The following FHOD3 variants were observed in gnomAD, a reference collection of about 807,000 sequenced individuals.
FHOD3 encodes FH1/FH2 domain-containing protein 3.
FHOD3 carries 90 observed loss-of-function variants against 173.0 expected under a neutral mutation model. The observed-to-expected ratio is 0.52, with a 90% confidence interval of 0.44 to 0.62. FHOD3 has a LOEUF of 0.62. Ranked by LOEUF, FHOD3 falls within the 20% of genes least tolerant of loss-of-function variation. The pLI is 0.00. For synonymous variants in FHOD3, 828 were observed against 823.0 expected (o/e 1.01, Z -0.10); for missense variants, 1,945 against 2,034.7 (o/e 0.96, Z 0.85).
At position 36,655,489 on chromosome 18, in the gene FHOD3, GA is replaced by G. The variant is rs997918429; in HGVS notation, c.1721+2082del. Among the ~76,000 whole-genome samples, 26 of 150,994 alleles carry G rather than the reference GA, an allele frequency of 1.7e-4. No individual in the cohort carries two copies. In the East Asian group the frequency reaches 2.3e-3, roughly 14 times the overall value. On this transcript the variant is annotated intron_variant, in intron 13 of 28. Transcript: ENST00000590592. Reference sequence around the variant, plus strand: ...TTGAAGATACACGTAAGTTGTGGGGGAAAAAAAAAGCTGCTTGCTTGTGAAT... The same window carrying G: ...TTGAAGATACACGTAAGTTGTGGGGGAAAAAAAAGCTGCTTGCTTGTGAAT...
chr18:36,591,988 G>A (rs185643673), intron 6 of FHOD3, among the ~76,000 whole-genome samples: 47 of 152,346 alleles, frequency 3.1e-4, no homozygotes, highest in African/African-American at 1.1e-3. Flanking sequence ...AGAGGCCGAG[G>A]CAGGCAGATC....
chr18:36,657,972 T>C, intron 13 of FHOD3, 103 bp from the exon 14 acceptor site: 1 of 806,956 alleles, frequency 1.2e-6, no homozygotes, highest in East Asian at 2.8e-5. Context: ...TTTCCAGACC[T>C]GTTTCTCTTG....
intron 10 of FHOD3, among the ~76,000 whole-genome samples, chr18:36,633,894 C>T (rs1034551889): frequency 3.3e-5 from 5 of 152,184 alleles, no homozygotes; most frequent in Non-Finnish European, 7.4e-5. Flanking sequence ...TAAATGGGCA[C>T]TGAAGACATT....
At chr18:36,767,520 G>A (rs928070886) in intron 27 of FHOD3, among the ~76,000 whole-genome samples, 22 of 152,056 alleles carry the variant, frequency 1.4e-4, no homozygotes, top group African/African-American at 5.3e-4. Flanking sequence ...GGGTTTCACT[G>A]TGTTGGCCAG....
At chr18:36,536,640 C>T (rs1436289976) in intron 5 of FHOD3, among the ~76,000 whole-genome samples, 1 of 152,188 alleles carries the variant, frequency 6.6e-6, no homozygotes, top group Non-Finnish European at 1.5e-5. Context: ...AGGCTCCCCA[C>T]TGAGGCAGAG....
intron 23 of FHOD3, among the ~76,000 whole-genome samples, chr18:36,746,708 C>T (rs2042170889): frequency 6.6e-6 from 1 of 151,858 alleles, no homozygotes; most frequent in Admixed American, 6.6e-5. Context: ...TAAATATGGC[C>T]AAAAAAGGTA....
chr18:36,475,747 AACATACACACACACACACACAC>A (rs1334681269), intron 3 of FHOD3, among the ~76,000 whole-genome samples: 1 of 119,862 alleles, frequency 8.3e-6, no homozygotes, highest in Non-Finnish European at 1.7e-5. Flanking sequence ...CATATATAGA[AACATACACACACACACACACAC>A]ACACACACAC....
rs138822175 is a variant in FHOD3, at chr18:36,305,398, A to G, written c.165+7398A>G. Reference sequence around the variant, plus strand: ...TTAAACAACTTGCAGTTCAATATAGAAAGGTATTCCTAGACTTGGCAAAAA... The same window carrying G: ...TTAAACAACTTGCAGTTCAATATAGGAAGGTATTCCTAGACTTGGCAAAAA... On this transcript the variant is annotated intron_variant, in intron 1 of 28. Transcript: ENST00000590592. Among the ~76,000 whole-genome samples, 49 of 152,352 alleles carry G rather than the reference A, an allele frequency of 3.2e-4. No individual in the cohort carries two copies. The East Asian group carries it at 8.1e-3, about 25-fold the overall frequency.
chr18:36,774,389 T>A (rs2043533951), intron 28 of FHOD3, among the ~76,000 whole-genome samples: 1 of 152,220 alleles, frequency 6.6e-6, no homozygotes, highest in South Asian at 2.1e-4. Context: ...TTGGGTTAGA[T>A]GGAACTAGGA....
intron 24 of FHOD3, among the ~76,000 whole-genome samples, chr18:36,750,866 A>G (rs1159978496): frequency 6.6e-6 from 1 of 152,202 alleles, no homozygotes; most frequent in Non-Finnish European, 1.5e-5. Flanking sequence ...TACTAGTACT[A>G]TGCTGTCGCA....
rs188052264 is a variant in FHOD3, at chr18:36,346,008, C to T, written c.166-9531C>T. Among the ~76,000 whole-genome samples the T allele has an allele frequency of 1.4e-3, 219 of 152,324 alleles. 3 individuals are homozygous for T. The highest frequency in any genetic ancestry group is 5.1e-3 in the African/African-American group (211 of 41,578). ...ATTTCAACCATCATATTTTTATTCA[C>T]ACCCAGCCCCCTGAATCTATTTCTT... is the stretch of plus-strand genomic sequence containing the variant. On this transcript the variant is annotated intron_variant, in intron 1 of 28. Transcript: ENST00000590592.
intron 5 of FHOD3, among the ~76,000 whole-genome samples, chr18:36,516,872 C>T (rs1417381250): frequency 6.6e-6 from 1 of 152,228 alleles, no homozygotes; most frequent in Non-Finnish European, 1.5e-5. Flanking sequence ...TGTGTGGCTA[C>T]ATGGGAGTCC....
chr18:36,593,636 A>C (rs1364315938), intron 6 of FHOD3, among the ~76,000 whole-genome samples: 1 of 152,146 alleles, frequency 6.6e-6, no homozygotes, highest in Non-Finnish European at 1.5e-5. Flanking sequence ...GCTGCAGAAC[A>C]CAGGAAGTAG....
intron 10 of FHOD3, among the ~76,000 whole-genome samples, chr18:36,647,149 G>A (rs546449021): frequency 7.9e-5 from 12 of 152,324 alleles, no homozygotes; most frequent in African/African-American, 2.4e-4. Context: ...GGCTGAGGCA[G>A]GAGAATCGCT....
chr18:36,766,027 A>G (rs907442860), intron 27 of FHOD3, among the ~76,000 whole-genome samples: 3 of 152,114 alleles, frequency 2.0e-5, no homozygotes, highest in Non-Finnish European at 4.4e-5. Context: ...ACCATAGACA[A>G]AGTGCTAAAA....
intron 3 of FHOD3, among the ~76,000 whole-genome samples, chr18:36,432,496 C>G (rs1021222820): frequency 1.3e-5 from 2 of 152,148 alleles, no homozygotes; most frequent in Admixed American, 6.5e-5. Context: ...CTTAATCTCA[C>G]ATGGAGGAGG....
chr18:36,712,128 T>C (rs1357112319), intron 18 of FHOD3, among the ~76,000 whole-genome samples: 1 of 152,184 alleles, frequency 6.6e-6, no homozygotes. Flanking sequence ...ACCTGTATGC[T>C]ATACCTAAAA....
At chr18:36,363,133 A>G (rs991247418) in intron 2 of FHOD3, among the ~76,000 whole-genome samples, 1 of 152,264 alleles carries the variant, frequency 6.6e-6, no homozygotes, top group Non-Finnish European at 1.5e-5. Flanking sequence ...AAATAAAAAA[A>G]CACGGATATC....
intron 5 of FHOD3, among the ~76,000 whole-genome samples, chr18:36,560,826 G>GT (rs34653505): frequency 1.7e-3 from 230 of 134,564 alleles, no homozygotes; most frequent in East Asian, 0.011. Context: ...AAGAGCAGCT[G>GT]TTTTTTTTTT....
Sources: allele counts gnomAD v4.1 joint callset (sites outside exome capture counted in the v4.1 genomes callset), GRCh38; gene constraint gnomAD v4.1.1; transcripts MANE v1.5; gene names NCBI Gene and HGNC (gene_info 2026-07-23, HGNC 2026-07-21).